DPH6: variants seen among roughly 807,000 people sequenced by gnomAD.
DPH6 encodes the protein diphthine--ammonia ligase.
A neutral mutation model predicts 38.2 loss-of-function variants in DPH6; 33 were observed. The observed-to-expected ratio is 0.86, with a 90% CI of 0.65 to 1.15. The LOEUF (loss-of-function observed/expected upper bound fraction) is 1.15, where lower values mean the gene tolerates loss of function less well. DPH6 is among the 50% of genes most tolerant of loss of function. DPH6 has a pLI of 0.00. For synonymous variants in DPH6, 108 were observed against 103.0 expected (o/e 1.05, Z -0.30); for missense variants, 325 against 320.0 (o/e 1.02, Z -0.12).
intron 5 of DPH6, among the ~76,000 whole-genome samples, chr15:35,437,034 T>C (rs1480167585): frequency 6.6e-6 from 1 of 151,452 alleles, no homozygotes; most frequent in African/African-American, 2.4e-5. Context: ...CAGCAGATAA[T>C]CCCACTCCCT....
chr15:35,482,352 G>C (rs968252466), intron 3 of DPH6, among the ~76,000 whole-genome samples: 1 of 152,120 alleles, frequency 6.6e-6, no homozygotes, highest in Non-Finnish European at 1.5e-5. Flanking sequence ...CACCAGAAAG[G>C]TCAAGCTAGC....
intron 3 of DPH6, chr15:35,299,484 T>G: frequency 2.7e-6 from 2 of 748,696 alleles, no homozygotes. Context: ...ACTCTGCCCA[T>G]GGGCCGCGGT....
intron 3 of DPH6, among the ~76,000 whole-genome samples, chr15:35,238,545 G>A (rs1224448224): frequency 6.6e-6 from 1 of 152,222 alleles, no homozygotes; most frequent in Non-Finnish European, 1.5e-5. Context: ...TTTGGGCAAA[G>A]CTTTCATGTT....
At chr15:35,404,035 T>C (rs796269448) in intron 6 of DPH6, among the ~76,000 whole-genome samples, 4 of 152,300 alleles carry the variant, frequency 2.6e-5, no homozygotes, top group African/African-American at 9.6e-5. Flanking sequence ...GTTCCATCCA[T>C]GTTGCTGCAA....
intron 3 of DPH6, among the ~76,000 whole-genome samples, chr15:35,223,351 G>T (rs558888892): frequency 3.3e-5 from 5 of 152,020 alleles, no homozygotes; most frequent in Non-Finnish European, 5.9e-5. Flanking sequence ...AGCTCTAATG[G>T]ACTCATCATC....
chr15:35,520,285 A>G (rs1357875008), intron 3 of DPH6: 1 of 971,402 alleles, frequency 1.0e-6, no homozygotes, highest in Non-Finnish European at 1.2e-6. Context: ...TATTTTAAGC[A>G]TAATTTTATT....
downstream of DPH6, among the ~76,000 whole-genome samples, chr15:35,368,781 A>G (rs2052684699): frequency 6.6e-6 from 1 of 151,818 alleles, no homozygotes; most frequent in African/African-American, 2.4e-5. Context: ...GGGGAAAATG[A>G]GTTCAAGTTT....
chr15:35,178,747 T>C, the DPH6 span, among the ~76,000 whole-genome samples: 2 of 152,164 alleles, frequency 1.3e-5, no homozygotes, highest in African/African-American at 4.8e-5. Flanking sequence ...TTCTCAACTG[T>C]CATTAAGTGC....
chr15:35,530,824 C>T (rs2055075795), intron 3 of DPH6, among the ~76,000 whole-genome samples: 1 of 152,180 alleles, frequency 6.6e-6, no homozygotes, highest in Admixed American at 6.5e-5. Context: ...CTGAAAGGAC[C>T]AGATGTGGCA....
At chr15:35,401,072 A>G (rs1354963851) in intron 6 of DPH6, 1 of 908,962 alleles carries the variant, frequency 1.1e-6, no homozygotes, top group Non-Finnish European at 1.8e-6. Flanking sequence ...AACAGTACAG[A>G]AAAATTGAAG....
intron 3 of DPH6, among the ~76,000 whole-genome samples, chr15:35,518,690 C>T (rs2054881044): frequency 6.6e-6 from 1 of 151,954 alleles, no homozygotes; most frequent in Admixed American, 6.6e-5. Context: ...CTTTCAGATT[C>T]ACATAAATCC....
At chr15:35,458,197 G>C (rs2054020230) in intron 3 of DPH6, among the ~76,000 whole-genome samples, 1 of 151,944 alleles carries the variant, frequency 6.6e-6, no homozygotes, top group Non-Finnish European at 1.5e-5. Context: ...TTGAATCCGT[G>C]GATGTGAATC....
chr15:35,278,469 A>G (rs2051873709), intron 3 of DPH6, among the ~76,000 whole-genome samples: 1 of 152,222 alleles, frequency 6.6e-6, no homozygotes, highest in Non-Finnish European at 1.5e-5. Context: ...GCCCCCGCAG[A>G]GAGGCTCTAC....
At chr15:35,417,430 G>C (rs1015436903) in intron 5 of DPH6, among the ~76,000 whole-genome samples, 2 of 151,900 alleles carry the variant, frequency 1.3e-5, no homozygotes, top group East Asian at 3.9e-4. Flanking sequence ...AGAATGGAAG[G>C]TCAGGGTCAT....
At chr15:35,367,388 AAG>A (rs1719482267), downstream of DPH6, among the ~76,000 whole-genome samples, 1 of 151,906 alleles carries the variant, frequency 6.6e-6, no homozygotes, top group Non-Finnish European at 1.5e-5. Context: ...ATAAGGAAGA[AAG>A]AGCCTTCTGA....
At chr15:35,385,435 C>A (rs941780639) in intron 6 of DPH6, among the ~76,000 whole-genome samples, 2 of 152,070 alleles carry the variant, frequency 1.3e-5, no homozygotes, top group Non-Finnish European at 2.9e-5. Context: ...TACTATGTAG[C>A]CATAAAAAAG....
chr15:35,358,063 G>A (rs1438836856), intron 3 of DPH6, among the ~76,000 whole-genome samples: 2 of 151,944 alleles, frequency 1.3e-5, no homozygotes, highest in African/African-American at 4.8e-5. Flanking sequence ...AGGCTTCTTG[G>A]AGGCTTTGTT....
chr15:35,435,236 C>T (rs140614956), intron 5 of DPH6, among the ~76,000 whole-genome samples: 43 of 152,296 alleles, frequency 2.8e-4, no homozygotes, highest in African/African-American at 8.9e-4. Context: ...TGCCTCCTTA[C>T]ATATTTTAAG....
intron 3 of DPH6, among the ~76,000 whole-genome samples, chr15:35,530,676 T>C (rs1775847250): frequency 6.6e-6 from 1 of 152,120 alleles, no homozygotes; most frequent in African/African-American, 2.4e-5. Flanking sequence ...TTTCTAGGCT[T>C]TAGGGGGAAT....
Sources: gnomAD v4.1 joint callset for allele counts (sites outside exome capture counted in the v4.1 genomes callset) on GRCh38, gnomAD v4.1.1 for gene constraint, MANE v1.5 for transcripts, NCBI Gene and HGNC (gene_info 2026-07-23, HGNC 2026-07-21) for gene names.